CDH13: variants seen among roughly 807,000 people sequenced by gnomAD.
CDH13 encodes the protein cadherin-13.
A neutral mutation model predicts 63.8 loss-of-function variants in CDH13; 24 were observed. That is an observed-to-expected ratio of 0.38 (90% CI 0.27 to 0.53). CDH13 has a LOEUF of 0.53. CDH13 is among the 20% of genes least tolerant of loss of function. The pLI, the probability that CDH13 is intolerant of heterozygous loss-of-function variation, is 0.85. For synonymous variants in CDH13, 503 were observed against 355.3 expected (o/e 1.42, Z -4.67); for missense variants, 1,049 against 903.1 (o/e 1.16, Z -2.07).
chr16:83,237,903 A>G (rs1877861673), intron 5 of CDH13, among the ~76,000 whole-genome samples: 1 of 152,222 alleles, frequency 6.6e-6, no homozygotes, highest in Non-Finnish European at 1.5e-5. Flanking sequence ...TGTCTTATGC[A>G]GTGGTGCTTT....
At chr16:83,771,012 AC>A (rs1359082953) in intron 11 of CDH13, among the ~76,000 whole-genome samples, 2 of 152,134 alleles carry the variant, frequency 1.3e-5, no homozygotes, top group Non-Finnish European at 1.5e-5. Flanking sequence ...AGCACCTTGG[AC>A]ATTTTCCTTA....
intron 6 of CDH13, among the ~76,000 whole-genome samples, chr16:83,360,032 C>T (rs1053792355): frequency 6.6e-6 from 1 of 152,180 alleles, no homozygotes; most frequent in Non-Finnish European, 1.5e-5. Flanking sequence ...GTACATAGTA[C>T]GTGATCCTTT....
chr16:82,929,775 A>C (rs941111451), intron 2 of CDH13, among the ~76,000 whole-genome samples: 8 of 151,870 alleles, frequency 5.3e-5, no homozygotes, highest in African/African-American at 1.9e-4. Flanking sequence ...CAGAGCTATA[A>C]GAAATAAATT....
At chr16:82,689,305 A>G (rs1915400992) in intron 1 of CDH13, among the ~76,000 whole-genome samples, 1 of 152,168 alleles carries the variant, frequency 6.6e-6, no homozygotes, top group South Asian at 2.1e-4. Context: ...GGTATGAATC[A>G]CTGCTATTAA....
At chr16:83,385,458 A>T (rs1291484554) in intron 6 of CDH13, among the ~76,000 whole-genome samples, 2 of 152,248 alleles carry the variant, frequency 1.3e-5, no homozygotes, top group Non-Finnish European at 2.9e-5. Context: ...TAATAGTCAG[A>T]GTAAGCTCAG....
rs372716918 is a variant in CDH13 at position 82,716,322 on chromosome 16, G to T, written c.45+89185G>T. On this transcript the variant is annotated intron_variant, in intron 1 of 13. Transcript: ENST00000567109. ...CCTGCTTTTCCATGGGAAAGGTGGT[G>T]GGAATTCTCCATGTCACCTTTGCAG... 2.0e-5 allele frequency among the ~76,000 whole-genome samples: 3 copies of T among 152,056 alleles called. No homozygotes were observed. The South Asian group carries it at 6.2e-4, about 32-fold the overall frequency.
rs539156425 is a variant in CDH13, at chr16:82,856,333, C to A, written c.46-2029C>A. Among the ~76,000 whole-genome samples, 3 of 146,704 alleles carry A rather than the reference C, an allele frequency of 2.0e-5. No individual in the cohort carries two copies. In the Admixed American group the frequency reaches 2.1e-4, roughly 10 times the overall value. Reference sequence around the variant, plus strand: ...GAGCTTGCAGTGAGCAGAGATCATGCCACTGCACTCCAGCCTGGGCAACAG... The same window carrying A: ...GAGCTTGCAGTGAGCAGAGATCATGACACTGCACTCCAGCCTGGGCAACAG... On this transcript the variant is annotated intron_variant, in intron 1 of 13. Transcript: ENST00000567109.
chr16:83,422,992 C>T (rs1184460280), intron 6 of CDH13, among the ~76,000 whole-genome samples: 1 of 152,134 alleles, frequency 6.6e-6, no homozygotes, highest in Non-Finnish European at 1.5e-5. Context: ...GTAAATTAGA[C>T]ATGCAAGATT....
chr16:83,511,420 C>T (rs1238614482), intron 7 of CDH13, among the ~76,000 whole-genome samples: 1 of 151,904 alleles, frequency 6.6e-6, no homozygotes, highest in Non-Finnish European at 1.5e-5. Flanking sequence ...TGAGATCACG[C>T]CACTGCACAG....
chr16:82,719,032 C>T (rs1237206898), intron 1 of CDH13, among the ~76,000 whole-genome samples: 1 of 152,150 alleles, frequency 6.6e-6, no homozygotes. Flanking sequence ...TTTGAATATC[C>T]TTCACACTGA....
intron 2 of CDH13, among the ~76,000 whole-genome samples, chr16:82,863,274 C>T (rs1325951302): frequency 2.0e-5 from 3 of 152,148 alleles, no homozygotes; most frequent in Non-Finnish European, 4.4e-5. Context: ...GCGACTATGT[C>T]CTGCTTTCCT....
At chr16:83,623,870 ACTAGAGG>A (rs1910035051) in intron 8 of CDH13, among the ~76,000 whole-genome samples, 1 of 152,180 alleles carries the variant, frequency 6.6e-6, no homozygotes, top group Non-Finnish European at 1.5e-5. Context: ...GAAGCCTAAG[ACTAGAGG>A]CTCACCCTTC....
intron 10 of CDH13, among the ~76,000 whole-genome samples, chr16:83,712,449 T>C (rs1442400061): frequency 1.3e-5 from 2 of 152,124 alleles, no homozygotes; most frequent in African/African-American, 4.8e-5. Context: ...GCAAGCAAAA[T>C]AAAAATTCCC....
At position 83,798,122 on chromosome 16, in the gene CDH13, G is replaced by C. The variant is rs954415498; in HGVS notation, c.*3092G>C. On this transcript the variant is annotated 3_prime_UTR_variant, in exon 14 of 14. Coordinates refer to ENST00000567109, the MANE Select transcript of CDH13 (RefSeq NM_001257.5). Reference sequence around the variant, plus strand: ...TTAGAAATTTTGATAGCTCATTCCAGAGTTTCAGAATGTCATTTAAAACAG... The same window carrying C: ...TTAGAAATTTTGATAGCTCATTCCACAGTTTCAGAATGTCATTTAAAACAG... 6.6e-6 allele frequency: 1 copy of C among 152,170 alleles called. No individual in the cohort carries two copies. Among genetic ancestry groups the C allele is most frequent in the Non-Finnish European group, 1.5e-5 (1 of 68,032 alleles). The allele number at this position is 152,170 out of a possible 1,614,324, so 9.4% of individuals were successfully genotyped here.
intron 5 of CDH13, among the ~76,000 whole-genome samples, chr16:83,258,114 T>A (rs1906512902): frequency 6.6e-6 from 1 of 152,176 alleles, no homozygotes; most frequent in Non-Finnish European, 1.5e-5. Context: ...AAATTAGTGG[T>A]TATTTGGGGG....
rs77320419 is a variant in CDH13, at chr16:83,186,718, G to A, written c.484-30627G>A. Among the ~76,000 whole-genome samples, 86 of 152,134 alleles carry A rather than the reference G, an allele frequency of 5.7e-4. No individual in the cohort carries two copies. The East Asian group carries it at 0.015, about 27-fold the overall frequency. ...AGGGCTAATGTTGAATTCTTGCATC[G>A]GATGAGCTCATTGTAACTTAGGAAA... On this transcript the variant is annotated intron_variant, in intron 4 of 13. Coordinates refer to ENST00000567109, the MANE Select transcript of CDH13 (RefSeq NM_001257.5).
intron 3 of CDH13, among the ~76,000 whole-genome samples, chr16:83,087,998 C>T (rs915209381): frequency 1.3e-5 from 2 of 152,150 alleles, no homozygotes; most frequent in African/African-American, 4.8e-5. Flanking sequence ...CAGCCTTCAG[C>T]GGCTACATTT....
intron 5 of CDH13, among the ~76,000 whole-genome samples, chr16:83,228,533 G>A (rs916402586): frequency 1.4e-4 from 21 of 152,210 alleles, no homozygotes; most frequent in Admixed American, 1.0e-3. Context: ...TGTGAGGAGG[G>A]TCATGTTACA....
chr16:82,700,654 A>G (rs1255879041), intron 1 of CDH13, among the ~76,000 whole-genome samples: 1 of 152,034 alleles, frequency 6.6e-6, no homozygotes, highest in Non-Finnish European at 1.5e-5. Flanking sequence ...CCTGTCCTAG[A>G]ATTTCAAAAA....
Sources: gnomAD v4.1 joint callset for allele counts (sites outside exome capture counted in the v4.1 genomes callset) on GRCh38, gnomAD v4.1.1 for gene constraint, MANE v1.5 for transcripts, NCBI Gene and HGNC (gene_info 2026-07-23, HGNC 2026-07-21) for gene names.